TOM1L2: variants seen among roughly 807,000 people sequenced by gnomAD.
The protein encoded by TOM1L2 is TOM1-like protein 2.
Under a neutral mutation model 67.9 loss-of-function variants are expected in TOM1L2, and 31 were observed. The ratio of observed to expected loss-of-function variants is 0.46; its 90% CI spans 0.34 to 0.62. TOM1L2 has a LOEUF of 0.62. TOM1L2 is among the 20% of genes least tolerant of loss of function. The pLI is 0.01. For missense variants in TOM1L2, 606 were observed against 663.5 expected, an observed-to-expected ratio of 0.91 and a Z score of 0.95; for synonymous variants, 256 against 254.0, an observed-to-expected ratio of 1.01 and a Z score of -0.07.
chr17:17,967,634 T>A (rs1273775376), intron 1 of TOM1L2, among the ~76,000 whole-genome samples: 1 of 152,220 alleles, frequency 6.6e-6, no homozygotes, highest in East Asian at 1.9e-4. Context: ...GGAGATGCAG[T>A]CTCGCTCTGT....
intron 1 of TOM1L2, among the ~76,000 whole-genome samples, chr17:17,932,893 T>C (rs1261169232): frequency 6.6e-6 from 1 of 152,190 alleles, no homozygotes; most frequent in Non-Finnish European, 1.5e-5. Context: ...GGCCCAGAAA[T>C]CTGTGGGGAT....
Position 17,963,290 on chromosome 17 carries a change from A to G in TOM1L2, c.52+8972T>C, listed in dbSNP as rs548513842. 5.9e-5 allele frequency among the ~76,000 whole-genome samples: 9 copies of G among 152,338 alleles called. No homozygotes were observed. The South Asian group carries it at 1.9e-3, about 32-fold the overall frequency. On this transcript the variant is annotated intron_variant, in intron 1 of 14. Coordinates refer to ENST00000379504, the MANE Select transcript of TOM1L2 (RefSeq NM_001082968.2). ...CTAAGTGCTGGAAGAGAACAAAGAG[A>G]GAGCAATGGGAATCCACATTCCTAT...
chr17:17,879,892 CCTT>C, intron 6 of TOM1L2, 149 bp from the exon 7 acceptor site: 1 of 712,520 alleles, frequency 1.4e-6, no homozygotes, highest in Non-Finnish European at 2.5e-6. Flanking sequence ...GCAGAGGCCA[CCTT>C]CTCATCTCCC....
chr17:17,926,001 T>A (rs965570688), intron 1 of TOM1L2, among the ~76,000 whole-genome samples: 3 of 151,990 alleles, frequency 2.0e-5, no homozygotes, highest in African/African-American at 7.2e-5. Context: ...CAAGACCTTG[T>A]CTCTACCAAA....
chr17:17,927,777 C>T (rs146181297), intron 1 of TOM1L2, among the ~76,000 whole-genome samples: 14 of 152,020 alleles, frequency 9.2e-5, no homozygotes, highest in African/African-American at 1.2e-4. Flanking sequence ...GAGCCTCCCA[C>T]CCTCAGCCTC....
intron 3 of TOM1L2, among the ~76,000 whole-genome samples, chr17:17,898,219 T>C (rs1699120708): frequency 6.6e-6 from 1 of 152,058 alleles, no homozygotes; most frequent in Admixed American, 6.6e-5. Flanking sequence ...TCACCGCGCC[T>C]GGCCAACATT....
At chr17:17,955,095 ATAGT>A (rs1035927404) in intron 1 of TOM1L2, among the ~76,000 whole-genome samples, 9 of 152,332 alleles carry the variant, frequency 5.9e-5, no homozygotes, top group South Asian at 4.1e-4. Context: ...TTCGGGTGTC[ATAGT>A]TAGTCTCTCA....
At chr17:17,891,923 A>G (rs1441745953) in intron 4 of TOM1L2, among the ~76,000 whole-genome samples, 1 of 152,068 alleles carries the variant, frequency 6.6e-6, no homozygotes, top group Non-Finnish European at 1.5e-5. Context: ...CCTCAGAATT[A>G]ACTACATTCA....
At chr17:17,861,634 C>G in intron 11 of TOM1L2, 83 bp from the exon 12 acceptor site, 1 of 1,217,470 alleles carries the variant, frequency 8.2e-7, no homozygotes, top group Non-Finnish European at 1.2e-6. Context: ...GTAATCACTT[C>G]TATCCTATGG....
chr17:17,901,660 A>G (rs1205015786), intron 2 of TOM1L2, among the ~76,000 whole-genome samples: 1 of 152,106 alleles, frequency 6.6e-6, no homozygotes, highest in African/African-American at 2.4e-5. Flanking sequence ...CCCCATTATT[A>G]TCTTGCTCTA....
At chr17:17,857,067 G>C (rs1488979040) in intron 12 of TOM1L2, among the ~76,000 whole-genome samples, 1 of 152,202 alleles carries the variant, frequency 6.6e-6, no homozygotes, top group Non-Finnish European at 1.5e-5. Flanking sequence ...CGATTCTCCT[G>C]CTTCAGCCTC....
chr17:17,964,365 T>C (rs890184651), intron 1 of TOM1L2, among the ~76,000 whole-genome samples: 2 of 152,104 alleles, frequency 1.3e-5, no homozygotes, highest in Non-Finnish European at 2.9e-5. Flanking sequence ...TTTCCTAATA[T>C]CCCAAGTAAA....
chr17:17,884,474 C>G (rs1288692331), intron 5 of TOM1L2, among the ~76,000 whole-genome samples, 160 bp downstream of exon 5: 1 of 152,194 alleles, frequency 6.6e-6, no homozygotes, highest in African/African-American at 2.4e-5. Context: ...CTGTCTCACT[C>G]CTGCATGCCC....
At chr17:17,867,933 G>C (rs1434538705) in intron 8 of TOM1L2, among the ~76,000 whole-genome samples, 1 of 152,166 alleles carries the variant, frequency 6.6e-6, no homozygotes, top group African/African-American at 2.4e-5. Flanking sequence ...CATCTTCAAT[G>C]AACAATGAGT....
chr17:17,850,356 T>G (rs1487457523), intron 13 of TOM1L2, among the ~76,000 whole-genome samples: 1 of 152,114 alleles, frequency 6.6e-6, no homozygotes, highest in South Asian at 2.1e-4. Context: ...CTTCTAGCCC[T>G]ATCTCTGAGG....
At chr17:17,905,479 C>T (rs1177462404) in intron 2 of TOM1L2, among the ~76,000 whole-genome samples, 1 of 152,234 alleles carries the variant, frequency 6.6e-6, no homozygotes, top group Non-Finnish European at 1.5e-5. Flanking sequence ...AGAATCCCAT[C>T]ACTTCTAATC....
intron 7 of TOM1L2, among the ~76,000 whole-genome samples, chr17:17,879,335 A>G (rs8065497): frequency 0.39 from 58,965 of 152,166 alleles, 14,582 homozygotes; most frequent in Non-Finnish European, 0.57. Context: ...GGTCAAAGAA[A>G]GTTATTTTCT....
At chr17:17,960,774 TAAAG>T (rs2041646301) in intron 1 of TOM1L2, among the ~76,000 whole-genome samples, 1 of 152,134 alleles carries the variant, frequency 6.6e-6, no homozygotes, top group South Asian at 2.1e-4. Flanking sequence ...TTGTGGGAAT[TAAAG>T]AAAAGAATGC....
chr17:17,948,837 A>C (rs1253721096), intron 1 of TOM1L2, among the ~76,000 whole-genome samples: 1 of 151,862 alleles, frequency 6.6e-6, no homozygotes, highest in Non-Finnish European at 1.5e-5. Flanking sequence ...CACTCTCCAC[A>C]CCCAGCCTCC....
Sources: gnomAD v4.1 joint callset for allele counts (sites outside exome capture counted in the v4.1 genomes callset) on GRCh38, gnomAD v4.1.1 for gene constraint, MANE v1.5 for transcripts, NCBI Gene and HGNC (gene_info 2026-07-23, HGNC 2026-07-21) for gene names.